The following SNX29 variants were observed in gnomAD, a reference collection of about 807,000 sequenced individuals.
The protein encoded by SNX29 is sorting nexin-29.
A neutral mutation model predicts 102.1 loss-of-function variants in SNX29; 78 were observed. That is an observed-to-expected ratio of 0.76 (90% CI 0.64 to 0.92). The LOEUF is 0.92. Ranked by LOEUF, SNX29 falls within the 40% of genes least tolerant of loss-of-function variation. The pLI is 0.00. For missense variants in SNX29, 1,280 were observed against 1,061.7 expected (o/e 1.21, Z -2.86); for synonymous variants, 580 against 414.5 (o/e 1.40, Z -4.85).
intron 15 of SNX29, among the ~76,000 whole-genome samples, chr16:12,315,933 G>C (rs910869020): frequency 2.0e-5 from 3 of 152,232 alleles, no homozygotes; most frequent in African/African-American, 7.2e-5. Context: ...ACTGCATCAG[G>C]CCTCTGCTCC....
chr16:12,394,567 G>A (rs776817654), intron 16 of SNX29, among the ~76,000 whole-genome samples: 14 of 152,102 alleles, frequency 9.2e-5, no homozygotes, highest in Admixed American at 4.6e-4. Context: ...GTTCTTTTAC[G>A]TCATGTGGTG....
At chr16:12,214,448 T>C (rs1004022658) in intron 14 of SNX29, among the ~76,000 whole-genome samples, 4 of 152,332 alleles carry the variant, frequency 2.6e-5, no homozygotes, top group South Asian at 4.1e-4. Flanking sequence ...AAAAGCCACT[T>C]TGATTTTGAA....
intron 20 of SNX29, among the ~76,000 whole-genome samples, chr16:12,538,597 T>G (rs974987535): frequency 1.3e-5 from 2 of 152,034 alleles, no homozygotes; most frequent in South Asian, 2.1e-4. Flanking sequence ...TGGGAATCAG[T>G]AGGTGGATGC....
At chr16:12,556,612 TCAAGG>T (rs2078367139) in intron 20 of SNX29, 1 of 151,926 alleles carries the variant, frequency 6.6e-6, no homozygotes, top group Non-Finnish European at 1.5e-5. Flanking sequence ...TGAGGAAGGG[TCAAGG>T]CAAGAAGGGA....
At chr16:12,403,299 T>G in intron 17 of SNX29, 149 bp from the exon 18 acceptor site, 1 of 642,434 alleles carries the variant, frequency 1.6e-6, no homozygotes, top group South Asian at 1.9e-5. Flanking sequence ...GTCCTTTAGC[T>G]TGCCATCAGG....
At chr16:12,183,674 G>A (rs1380577585) in intron 13 of SNX29, among the ~76,000 whole-genome samples, 1 of 152,216 alleles carries the variant, frequency 6.6e-6, no homozygotes, top group African/African-American at 2.4e-5. Flanking sequence ...TGGAATAGGG[G>A]CTGGGTAGAA....
intron 14 of SNX29, 129 bp from the exon 15 acceptor site, chr16:12,277,804 G>A (rs1393156320): frequency 4.4e-6 from 3 of 682,934 alleles, no homozygotes; most frequent in East Asian, 2.8e-5. Flanking sequence ...GTAAGTGTGT[G>A]TGTGTGTTTT....
At chr16:12,291,162 A>G (rs1596781357) in intron 15 of SNX29, among the ~76,000 whole-genome samples, 1 of 152,048 alleles carries the variant, frequency 6.6e-6, no homozygotes, top group South Asian at 2.1e-4. Context: ...CTGGGTTGAC[A>G]TCATTTTTGG....
At chr16:12,196,940 A>G (rs2076790886) in intron 13 of SNX29, among the ~76,000 whole-genome samples, 1 of 152,068 alleles carries the variant, frequency 6.6e-6, no homozygotes, top group Non-Finnish European at 1.5e-5. Context: ...TTTTAGGTGG[A>G]ATCTTAACAC....
chr16:12,105,035 A>G (rs1333649973), intron 11 of SNX29, among the ~76,000 whole-genome samples: 1 of 152,166 alleles, frequency 6.6e-6, no homozygotes, highest in Non-Finnish European at 1.5e-5. Context: ...CTGCTCATCC[A>G]CATAGGAAGG....
chr16:12,489,772 C>A (rs774649355), intron 19 of SNX29, among the ~76,000 whole-genome samples: 1 of 152,114 alleles, frequency 6.6e-6, no homozygotes, highest in Non-Finnish European at 1.5e-5. Flanking sequence ...TTCTTCCTCC[C>A]CCGTTCACTT....
At chr16:12,515,047 C>T (rs913883434) in intron 19 of SNX29, among the ~76,000 whole-genome samples, 1 of 151,972 alleles carries the variant, frequency 6.6e-6, no homozygotes. Flanking sequence ...GAAAGCACTC[C>T]AAAAATGTTG....
chr16:12,347,397 C>A (rs1451454680), intron 15 of SNX29, among the ~76,000 whole-genome samples: 1 of 151,968 alleles, frequency 6.6e-6, no homozygotes, highest in Non-Finnish European at 1.5e-5. Context: ...AGAACCAAAG[C>A]AAAATGTGTA....
intron 16 of SNX29, among the ~76,000 whole-genome samples, chr16:12,376,210 A>G (rs2082868986): frequency 6.6e-6 from 1 of 152,280 alleles, no homozygotes; most frequent in Non-Finnish European, 1.5e-5. Flanking sequence ...CACCACAGGA[A>G]TATCACTGAA....
At chr16:12,063,966 A>G (rs1033052125) in intron 9 of SNX29, among the ~76,000 whole-genome samples, 5 of 152,022 alleles carry the variant, frequency 3.3e-5, no homozygotes, top group African/African-American at 1.2e-4. Context: ...GAGGAGGGGC[A>G]GGGGCTGGGA....
At chr16:12,302,209 A>G (rs1356779245) in intron 15 of SNX29, among the ~76,000 whole-genome samples, 1 of 152,222 alleles carries the variant, frequency 6.6e-6, no homozygotes, top group African/African-American at 2.4e-5. Flanking sequence ...TCAAAGCGGC[A>G]TGGAAACAGA....
chr16:12,482,001 C>T (rs1243114923), intron 19 of SNX29, among the ~76,000 whole-genome samples: 1 of 152,174 alleles, frequency 6.6e-6, no homozygotes, highest in African/African-American at 2.4e-5. Flanking sequence ...CCTTCAACAC[C>T]CAACAGGGGC....
Position 12,573,185 on chromosome 16 carries a change from A to G in SNX29, c.*4556A>G, listed in dbSNP as rs1211890906. 1 of 226,262 alleles carries G rather than the reference A, an allele frequency of 4.4e-6. No homozygotes were observed. The highest frequency in any genetic ancestry group is 2.2e-5 in the African/African-American group (1 of 45,096). The allele number at this position is 226,262 out of a possible 1,614,324, so 14.0% of individuals were successfully genotyped here. A position where few individuals can be genotyped will look rare whatever the true frequency, so the allele number is the denominator to read the frequency against. On this transcript the variant is annotated 3_prime_UTR_variant, in exon 21 of 21. Transcript: ENST00000566228. Reference sequence around the variant, plus strand: ...AATAGAAGTAAGGGTGTAGCCATCCAGGGTCTCCCGGCTCTAGGCAGACCG... The same window carrying G: ...AATAGAAGTAAGGGTGTAGCCATCCGGGGTCTCCCGGCTCTAGGCAGACCG...
chr16:12,482,447 A>G (rs994681370), intron 19 of SNX29, among the ~76,000 whole-genome samples: 1 of 152,080 alleles, frequency 6.6e-6, no homozygotes, highest in Admixed American at 6.6e-5. Flanking sequence ...GACCACAGGC[A>G]TGCAGCACCA....
Sources: gnomAD v4.1 joint callset for allele counts (sites outside exome capture counted in the v4.1 genomes callset) on GRCh38, gnomAD v4.1.1 for gene constraint, MANE v1.5 for transcripts, NCBI Gene and HGNC (gene_info 2026-07-23, HGNC 2026-07-21) for gene names.